SCP2: variants seen among roughly 807,000 people sequenced by gnomAD.
SCP2 encodes sterol carrier protein 2, also known as SCP-2/3-oxoacyl-CoA thiolase.
Under a neutral mutation model 71.4 loss-of-function variants are expected in SCP2, and 48 were observed. That is an observed-to-expected ratio of 0.67 (90% CI 0.53 to 0.86). SCP2 has a LOEUF of 0.86. Ranked by LOEUF, SCP2 falls within the 40% of genes least tolerant of loss-of-function variation. The probability of loss-of-function intolerance (pLI) is 0.00; values close to 1 mark genes in which losing one functional copy is unlikely to be tolerated. For missense variants in SCP2, 560 were observed against 655.6 expected, an observed-to-expected ratio of 0.85 and a Z score of 1.59; for synonymous variants, 220 against 218.1, an observed-to-expected ratio of 1.01 and a Z score of -0.08.
chr1:52,927,575 C>T, intron 1 of SCP2, 110 bp downstream of exon 1: 1 of 822,064 alleles, frequency 1.2e-6, no homozygotes, highest in East Asian at 2.7e-5. Context: ...CGTGGGTCAT[C>T]GGCGTGGCGA....
chr1:52,957,624 G>A (rs1194644863), intron 5 of SCP2, among the ~76,000 whole-genome samples: 1 of 152,232 alleles, frequency 6.6e-6, no homozygotes, highest in South Asian at 2.1e-4. Context: ...AGCCATGACT[G>A]TGCCACTGCA....
At chr1:53,001,766 A>C (rs1660332657) in intron 11 of SCP2, among the ~76,000 whole-genome samples, 1 of 152,166 alleles carries the variant, frequency 6.6e-6, no homozygotes, top group Non-Finnish European at 1.5e-5. Flanking sequence ...TTCCTGTTTC[A>C]CTGATTCTTT....
At chr1:53,045,834 A>G (rs935594945) in intron 14 of SCP2, among the ~76,000 whole-genome samples, 19 of 152,182 alleles carry the variant, frequency 1.2e-4, no homozygotes, top group Non-Finnish European at 2.5e-4. Flanking sequence ...TACCCCAGAA[A>G]GTGTCCTCAT....
intron 13 of SCP2, among the ~76,000 whole-genome samples, chr1:53,033,523 TGAACCGAG>T (rs1459575674): frequency 2.0e-5 from 3 of 147,596 alleles, no homozygotes; most frequent in Non-Finnish European, 3.0e-5. Context: ...GAGAATCACT[TGAACCGAG>T]GAGGCAGACG....
At chr1:52,984,906 C>T (rs1658849664) in intron 10 of SCP2, among the ~76,000 whole-genome samples, 1 of 149,870 alleles carries the variant, frequency 6.7e-6, no homozygotes, top group African/African-American at 2.5e-5. Flanking sequence ...ATGGTGAGAT[C>T]TCAGCTCACT....
chr1:52,985,656 G>T (rs943948825), intron 10 of SCP2, among the ~76,000 whole-genome samples: 2 of 152,146 alleles, frequency 1.3e-5, no homozygotes, highest in Non-Finnish European at 2.9e-5. Context: ...AATATGATCT[G>T]TCCTCCTTAC....
chr1:52,995,544 A>C (rs1338396620), intron 11 of SCP2: 4 of 449,252 alleles, frequency 8.9e-6, no homozygotes, highest in Middle Eastern at 4.1e-4. Flanking sequence ...CAGCTGTGGA[A>C]GCTAGCAGCA....
chr1:52,950,828 C>T lies in SCP2; in HGVS notation c.273C>T (p.Asn91=). The T allele has an allele frequency of 6.2e-7, 1 of 1,613,906 alleles. No homozygotes were observed. Among genetic ancestry groups the T allele is most frequent in the African/African-American group, 1.3e-5 (1 of 75,034 alleles). Residue 91 remains asparagine, a synonymous_variant, in exon 4 of 16, where the codon AAC becomes AAT. Coordinates refer to ENST00000371514, the MANE Select transcript of SCP2 (RefSeq NM_002979.5). ...CTGGAATTCCTATAATCAATGTCAA[C>T]AATAACTGTGCTACTGGTTCTACTG... ...GMTGIPIINV[N]NNCATGSTAL...
At position 53,002,355 on chromosome 1, in the gene SCP2, C is replaced by T. The variant is rs536559075; in HGVS notation, c.1082-12535C>T. On this transcript the variant is annotated intron_variant, in intron 11 of 15. Transcript: ENST00000371514. ...ATTATTGCTCCTTTAACATCTAGAA[C>T]GTGGCATGGAGCAAAGGGAATACAT... Among the ~76,000 whole-genome samples the T allele has an allele frequency of 4.6e-5, 7 of 152,212 alleles. No homozygotes were observed. In the South Asian group the frequency reaches 8.3e-4, roughly 18 times the overall value.
At chr1:53,013,598 C>T (rs1230093065) in intron 11 of SCP2, among the ~76,000 whole-genome samples, 1 of 151,860 alleles carries the variant, frequency 6.6e-6, no homozygotes, top group Non-Finnish European at 1.5e-5. Context: ...CTGTCTCAAA[C>T]ATAATAAATA....
chr1:52,979,048 A>G (rs534053903), intron 9 of SCP2, among the ~76,000 whole-genome samples: 2 of 152,374 alleles, frequency 1.3e-5, no homozygotes, highest in Admixed American at 1.3e-4. Flanking sequence ...ATTTTACAAC[A>G]ACACTGTGAA....
chr1:53,029,821 GCTAC>G (rs1662400589), intron 13 of SCP2, among the ~76,000 whole-genome samples: 1 of 152,138 alleles, frequency 6.6e-6, no homozygotes, highest in Admixed American at 6.5e-5. Flanking sequence ...TCCACATGGG[GCTAC>G]CTGTTTTATA....
intron 12 of SCP2, among the ~76,000 whole-genome samples, chr1:53,027,658 T>C (rs1284449587): frequency 6.6e-6 from 1 of 151,968 alleles, no homozygotes; most frequent in African/African-American, 2.4e-5. Context: ...GCATGCGCCA[T>C]CATGCCCAGC....
chr1:53,005,272 G>A (rs985333869), intron 11 of SCP2, among the ~76,000 whole-genome samples: 1 of 152,212 alleles, frequency 6.6e-6, no homozygotes. Flanking sequence ...TTTGAAGAGA[G>A]TAATGGTTCT....
intron 1 of SCP2, chr1:52,934,985 C>G (rs1653572532): frequency 6.7e-6 from 1 of 148,470 alleles, no homozygotes; most frequent in African/African-American, 2.4e-5. Context: ...AAACGTCGGC[C>G]CGGGAGCGGT....
intron 1 of SCP2, among the ~76,000 whole-genome samples, chr1:52,931,925 A>G (rs1653188719): frequency 6.6e-6 from 1 of 152,284 alleles, no homozygotes; most frequent in African/African-American, 2.4e-5. Flanking sequence ...CTCTGAAAAA[A>G]GAACTGAGTG....
At chr1:52,973,660 G>A (rs754551393) in intron 6 of SCP2, among the ~76,000 whole-genome samples, 30 of 152,094 alleles carry the variant, frequency 2.0e-4, no homozygotes, top group African/African-American at 1.7e-4. Context: ...TGCAATCTCC[G>A]TCTTCCGGGT....
At chr1:52,998,693 G>T (rs547492286) in intron 11 of SCP2, among the ~76,000 whole-genome samples, 1 of 152,134 alleles carries the variant, frequency 6.6e-6, no homozygotes, top group South Asian at 2.1e-4. Flanking sequence ...TGTGTCAAAG[G>T]GTAGTATACA....
At chr1:52,951,555 T>TAAAA (rs563183018) in intron 4 of SCP2, among the ~76,000 whole-genome samples, 5 of 72,554 alleles carry the variant, frequency 6.9e-5, no homozygotes, top group Non-Finnish European at 8.7e-5. Context: ...AGACTGTCTC[T>TAAAA]AAAAAAAAAA....
Sources: allele counts gnomAD v4.1 joint callset (sites outside exome capture counted in the v4.1 genomes callset), GRCh38; gene constraint gnomAD v4.1.1; transcripts MANE v1.5; gene names NCBI Gene and HGNC (gene_info 2026-07-23, HGNC 2026-07-21).